Variants in RB1 observed in about 807,000 individuals in gnomAD.
The protein encoded by RB1 is retinoblastoma-associated protein.
A neutral mutation model predicts 135.4 loss-of-function variants in RB1; 18 were observed. The observed-to-expected ratio is 0.13, with a 90% CI of 0.09 to 0.20. The LOEUF (loss-of-function observed/expected upper bound fraction) is 0.20, where lower values mean the gene tolerates loss of function less well. Ranked by LOEUF, RB1 falls within the 10% of genes least tolerant of loss-of-function variation. The probability of loss-of-function intolerance (pLI) is 1.00; values close to 1 mark genes in which losing one functional copy is unlikely to be tolerated. For missense variants in RB1, 868 were observed against 1,110.0 expected (o/e 0.78, Z 3.10); for synonymous variants, 365 against 373.2 (o/e 0.98, Z 0.25).
intron 23 of RB1, among the ~76,000 whole-genome samples, chr13:48,466,037 G>T (rs1221324957): frequency 6.6e-6 from 1 of 150,424 alleles, no homozygotes; most frequent in South Asian, 2.1e-4. Flanking sequence ...CGGGAAGCTC[G>T]AACTGGGTGG....
intron 2 of RB1, chr13:48,318,897 C>A: frequency 8.7e-7 from 1 of 1,145,778 alleles, no homozygotes. Flanking sequence ...ATGCTGTCGT[C>A]GCTGTCCACG....
intron 17 of RB1, among the ~76,000 whole-genome samples, chr13:48,442,351 C>T (rs1452974584): frequency 6.6e-6 from 1 of 152,156 alleles, no homozygotes; most frequent in South Asian, 2.1e-4. Flanking sequence ...CAGGCGCATG[C>T]AACCATGCCC....
rs555088188 is a variant in RB1, at chr13:48,318,900, T to C, written c.264+11494T>C. The C allele has an allele frequency of 3.2e-4, 363 of 1,152,198 alleles. 8 individuals are homozygous for C. The South Asian group carries it at 4.3e-3, about 13-fold the overall frequency. The allele number at this position is 1,152,198 out of a possible 1,614,324, so 71.4% of individuals were successfully genotyped here. Reference sequence around the variant, plus strand: ...ATTTCCTGATCGATGCTGTCGTCGCTGTCCACGGAGCTACTGTCGCCGTCA... The same window carrying C: ...ATTTCCTGATCGATGCTGTCGTCGCCGTCCACGGAGCTACTGTCGCCGTCA... On this transcript the variant is annotated intron_variant, in intron 2 of 26. Transcript: ENST00000267163.
At chr13:48,430,689 G>A (rs894531654) in intron 17 of RB1, among the ~76,000 whole-genome samples, 1 of 152,068 alleles carries the variant, frequency 6.6e-6, no homozygotes, top group Non-Finnish European at 1.5e-5. Flanking sequence ...GCAGTGAGCC[G>A]AGATTGTGCC....
At chr13:48,305,549 A>G (rs78307699) in intron 1 of RB1, among the ~76,000 whole-genome samples, 1,639 of 152,308 alleles carry the variant, frequency 0.011, 30 homozygotes, top group African/African-American at 0.037. Flanking sequence ...AATGTAGGGT[A>G]ACCAGGAATA....
At chr13:48,428,468 T>A (rs1382023108) in intron 17 of RB1, among the ~76,000 whole-genome samples, 1 of 151,788 alleles carries the variant, frequency 6.6e-6, no homozygotes, top group African/African-American at 2.4e-5. Flanking sequence ...CCTCCAGCAT[T>A]GGGGATCACA....
intron 2 of RB1, among the ~76,000 whole-genome samples, chr13:48,327,614 C>T (rs1952299100): frequency 6.6e-6 from 1 of 152,148 alleles, no homozygotes; most frequent in South Asian, 2.1e-4. Flanking sequence ...AATGTACTTT[C>T]AGTCAATAGT....
chr13:48,310,054 G>T (rs1199871655), intron 2 of RB1, among the ~76,000 whole-genome samples: 3 of 152,124 alleles, frequency 2.0e-5, no homozygotes, highest in African/African-American at 7.2e-5. Context: ...GGGATTTGAG[G>T]TGTGCTTTTG....
chr13:48,480,911 C>T lies in RB1; in HGVS notation c.*840C>T, dbSNP rs1949534834. The T allele has an allele frequency of 4.4e-6, 1 of 228,768 alleles. No individual in the cohort carries two copies. Among genetic ancestry groups the T allele is most frequent in the South Asian group, 1.8e-4 (1 of 5,490 alleles). The allele number at this position is 228,768 out of a possible 1,614,324, so 14.2% of individuals were successfully genotyped here. On this transcript the variant is annotated 3_prime_UTR_variant, in exon 27 of 27. Coordinates refer to ENST00000267163, the MANE Select transcript of RB1 (RefSeq NM_000321.3). The stretch of plus-strand genomic sequence containing the variant: ...TACTTGAAAAAGTAAAGTGTTCTGC[C>T]AGATCTTAGGTATAGAGGACCCTAA...
intron 17 of RB1, among the ~76,000 whole-genome samples, chr13:48,405,226 A>G (rs943434767): frequency 1.3e-5 from 2 of 152,242 alleles, no homozygotes; most frequent in Non-Finnish European, 2.9e-5. Flanking sequence ...AATGCCTTCA[A>G]CAACAAAATG....
intron 2 of RB1, among the ~76,000 whole-genome samples, chr13:48,325,893 A>C (rs891117281): frequency 6.6e-6 from 1 of 152,176 alleles, no homozygotes; most frequent in African/African-American, 2.4e-5. Context: ...ATTCACATTT[A>C]AAAATTTTAA....
At chr13:48,374,167 T>C (rs1952794002) in intron 12 of RB1, among the ~76,000 whole-genome samples, 1 of 152,180 alleles carries the variant, frequency 6.6e-6, no homozygotes, top group South Asian at 2.1e-4. Context: ...TACCTGGCCC[T>C]GTTAGCATTA....
At chr13:48,318,095 G>A in intron 2 of RB1, 2 of 529,994 alleles carry the variant, frequency 3.8e-6, no homozygotes, top group Non-Finnish European at 3.4e-6. Flanking sequence ...AGGCAGAGGC[G>A]CATCCCCTCA....
intron 6 of RB1, among the ~76,000 whole-genome samples, chr13:48,355,323 A>G (rs1952580816): frequency 1.3e-5 from 2 of 152,154 alleles, no homozygotes; most frequent in South Asian, 4.1e-4. Context: ...AAGGTGCTCA[A>G]CATCAGTGAT....
chr13:48,478,038 A>T (rs139948798), intron 26 of RB1, among the ~76,000 whole-genome samples: 10 of 152,320 alleles, frequency 6.6e-5, no homozygotes, highest in African/African-American at 2.4e-4. Context: ...ATGTTCACTA[A>T]CTACTATTGG....
chr13:48,321,247 A>G (rs1952235965), intron 2 of RB1, among the ~76,000 whole-genome samples: 1 of 151,688 alleles, frequency 6.6e-6, no homozygotes, highest in Admixed American at 6.6e-5. Context: ...GCTTTTGGTG[A>G]CACTCCCTTT....
intron 2 of RB1, among the ~76,000 whole-genome samples, chr13:48,315,500 C>T (rs371958962): frequency 5.9e-5 from 9 of 152,114 alleles, no homozygotes; most frequent in South Asian, 4.1e-4. Context: ...TTTCTTATTC[C>T]GATGCTCTTT....
chr13:48,423,599 A>T (rs1171374844), intron 17 of RB1, among the ~76,000 whole-genome samples: 2 of 152,256 alleles, frequency 1.3e-5, no homozygotes, highest in Non-Finnish European at 2.9e-5. Context: ...AATCGATTAA[A>T]ACTTTAAAGA....
At chr13:48,413,370 T>C (rs866631755) in intron 17 of RB1, among the ~76,000 whole-genome samples, 15 of 152,304 alleles carry the variant, frequency 9.8e-5, no homozygotes, top group Middle Eastern at 3.4e-3. Flanking sequence ...TTTGTTTCAG[T>C]AGTAATAATT....
Sources: allele counts gnomAD v4.1 joint callset (sites outside exome capture counted in the v4.1 genomes callset), GRCh38; gene constraint gnomAD v4.1.1; transcripts MANE v1.5; gene names NCBI Gene and HGNC (gene_info 2026-07-23, HGNC 2026-07-21).